CTNNA2: variants seen among roughly 807,000 people sequenced by gnomAD.
The protein encoded by CTNNA2 is catenin alpha-2.
In CTNNA2, 42 loss-of-function variants were observed where a neutral mutation model predicts 101.0. That is an observed-to-expected ratio of 0.42 (90% CI 0.32 to 0.54). The LOEUF is 0.54. CTNNA2 is among the 20% of genes least tolerant of loss of function. The pLI, the probability that CTNNA2 is intolerant of heterozygous loss-of-function variation, is 0.14. For missense variants in CTNNA2, 871 were observed against 1,223.1 expected (o/e 0.71, Z 4.29); for synonymous variants, 450 against 456.4 (o/e 0.99, Z 0.18).
intron 7 of CTNNA2, among the ~76,000 whole-genome samples, chr2:80,322,479 G>C (rs928783646): frequency 6.6e-6 from 1 of 152,084 alleles, no homozygotes; most frequent in African/African-American, 2.4e-5. Flanking sequence ...TTAATCCCGA[G>C]AGGCAATTGT....
chr2:79,919,454 G>A (rs991041238), intron 7 of CTNNA2, among the ~76,000 whole-genome samples: 5 of 152,228 alleles, frequency 3.3e-5, no homozygotes, highest in Admixed American at 1.3e-4. Context: ...TCAATAGGAT[G>A]AGGAAGAGCA....
intron 7 of CTNNA2, among the ~76,000 whole-genome samples, chr2:80,042,320 C>A (rs1308557987): frequency 2.6e-5 from 4 of 152,094 alleles, no homozygotes; most frequent in Non-Finnish European, 4.4e-5. Flanking sequence ...GTTTTTTAAC[C>A]ATTCTTAATG....
At chr2:79,398,764 C>T (rs184200301) in intron 4 of CTNNA2, among the ~76,000 whole-genome samples, 1 of 150,730 alleles carries the variant, frequency 6.6e-6, no homozygotes, top group Admixed American at 6.6e-5. Context: ...CCCAAAAAAA[C>T]CTCAAAAAAA....
intron 7 of CTNNA2, among the ~76,000 whole-genome samples, chr2:79,926,443 G>A (rs1687026766): frequency 6.6e-6 from 1 of 151,984 alleles, no homozygotes; most frequent in African/African-American, 2.4e-5. Flanking sequence ...TGTGAAGCAT[G>A]TTCTTTCCTG....
intron 2 of CTNNA2, among the ~76,000 whole-genome samples, chr2:79,204,218 G>T (rs1332504095): frequency 6.6e-6 from 1 of 152,204 alleles, no homozygotes; most frequent in Non-Finnish European, 1.5e-5. Context: ...CACACTGAAG[G>T]CTGGTGGCAC....
chr2:80,175,487 T>G (rs1464765334), intron 7 of CTNNA2, among the ~76,000 whole-genome samples: 2 of 152,324 alleles, frequency 1.3e-5, no homozygotes, highest in African/African-American at 4.8e-5. Context: ...CTAAAATTTC[T>G]TGCTGAAATT....
intron 4 of CTNNA2, among the ~76,000 whole-genome samples, chr2:79,471,219 T>G (rs2104547045): frequency 6.6e-6 from 1 of 152,296 alleles, no homozygotes; most frequent in Admixed American, 6.5e-5. Context: ...GCCATGTGAT[T>G]ATTAGCTGTT....
At chr2:79,972,984 G>T (rs1690591664) in intron 7 of CTNNA2, among the ~76,000 whole-genome samples, 1 of 152,088 alleles carries the variant, frequency 6.6e-6, no homozygotes, top group South Asian at 2.1e-4. Context: ...ACTCATGATT[G>T]ATCTAAAATT....
intron 9 of CTNNA2, among the ~76,000 whole-genome samples, chr2:80,509,868 C>T (rs570832326): frequency 2.0e-4 from 31 of 152,292 alleles, no homozygotes; most frequent in Admixed American, 3.9e-4. Context: ...ACTCCACTGT[C>T]GCATTACATT....
chr2:79,296,081 C>A (rs972333558), intron 2 of CTNNA2, among the ~76,000 whole-genome samples: 1 of 152,000 alleles, frequency 6.6e-6, no homozygotes, highest in African/African-American at 2.4e-5. Context: ...TCCATAAACA[C>A]TTATTAATAG....
At chr2:80,049,971 C>G (rs190079908) in intron 7 of CTNNA2, among the ~76,000 whole-genome samples, 1 of 152,254 alleles carries the variant, frequency 6.6e-6, no homozygotes, top group Admixed American at 6.5e-5. Flanking sequence ...CTATAGGACT[C>G]TCAGTCACCT....
At chr2:79,349,627 T>C (rs560697383) in intron 3 of CTNNA2, among the ~76,000 whole-genome samples, 3 of 152,322 alleles carry the variant, frequency 2.0e-5, no homozygotes, top group African/African-American at 7.2e-5. Context: ...AATGTAGTTA[T>C]AGTATAATAG....
intron 17 of CTNNA2, among the ~76,000 whole-genome samples, chr2:80,609,459 C>T (rs1698285179): frequency 6.6e-6 from 1 of 151,704 alleles, no homozygotes; most frequent in Non-Finnish European, 1.5e-5. Flanking sequence ...TATTTTGTGC[C>T]TCTTCCCAAA....
chr2:80,305,331 T>C, intron 7 of CTNNA2: 8 of 985,370 alleles, frequency 8.1e-6, no homozygotes, highest in Non-Finnish European at 9.6e-6. Context: ...AAGGTATGTC[T>C]GTGTGCAGGG....
At chr2:79,930,266 GAAAGAAAGAA>G (rs1235575920) in intron 7 of CTNNA2, among the ~76,000 whole-genome samples, 3,329 of 20,732 alleles carry the variant, frequency 0.16, 130 homozygotes, top group Middle Eastern at 0.3. Flanking sequence ...AAGAAAGAAA[GAAAGAAAGAA>G]AGAGAGAGAG....
intron 7 of CTNNA2, among the ~76,000 whole-genome samples, chr2:80,381,177 G>T (rs181208148): frequency 1.3e-5 from 2 of 151,746 alleles, no homozygotes; most frequent in African/African-American, 4.8e-5. Flanking sequence ...TGGTGCTGGG[G>T]TTGGGGGCAG....
intron 4 of CTNNA2, among the ~76,000 whole-genome samples, chr2:79,425,250 G>C (rs886275474): frequency 9.9e-5 from 15 of 152,154 alleles, no homozygotes; most frequent in African/African-American, 3.1e-4. Flanking sequence ...TATTTAACCA[G>C]TAGGGAGTCA....
At chr2:80,040,102 A>T (rs532696636) in intron 7 of CTNNA2, among the ~76,000 whole-genome samples, 20 of 152,240 alleles carry the variant, frequency 1.3e-4, no homozygotes, top group Non-Finnish European at 2.4e-4. Flanking sequence ...AAACTCTGGC[A>T]GTTTGTACCA....
chr2:79,961,852 T>C (rs1367828192), intron 7 of CTNNA2, among the ~76,000 whole-genome samples: 1 of 149,520 alleles, frequency 6.7e-6, no homozygotes, highest in Admixed American at 6.7e-5. Flanking sequence ...AAGCTGGCTC[T>C]GTTGCCATTT....
Sources: gnomAD v4.1 joint callset for allele counts (sites outside exome capture counted in the v4.1 genomes callset) on GRCh38, gnomAD v4.1.1 for gene constraint, MANE v1.5 for transcripts, NCBI Gene and HGNC (gene_info 2026-07-23, HGNC 2026-07-21) for gene names.